The following SHC2 variants were observed in gnomAD, a reference collection of about 807,000 sequenced individuals.
SHC2 encodes the protein SHC adaptor protein 2.
In SHC2, 62 loss-of-function variants were observed where a neutral mutation model predicts 60.6. The observed-to-expected ratio is 1.02, with a 90% CI of 0.83 to 1.26. The LOEUF is 1.26. Among genes scored for constraint, SHC2 ranks in the 50% most tolerant of loss-of-function variants. The pLI is 0.00. For missense variants in SHC2, 873 were observed against 822.2 expected, an observed-to-expected ratio of 1.06 and a Z score of -0.76; for synonymous variants, 375 against 372.4, an observed-to-expected ratio of 1.01 and a Z score of -0.08.
rs1974193181 is a variant in SHC2, at chr19:418,062, GAGACCATGAGATCACCC to G, written c.*6-757_*6-741del. On this transcript the variant is annotated intron_variant, in intron 12 of 12. Coordinates refer to ENST00000264554, the MANE Select transcript of SHC2 (RefSeq NM_012435.3). Reference sequence around the variant, plus strand: ...CCTGCCCCAACCTCACCCCAGAGGAGAGACCATGAGATCACCCAGACCTGCCTGTCCCTCCTCCGTCC... The same window carrying G: ...CCTGCCCCAACCTCACCCCAGAGGAGAGACCTGCCTGTCCCTCCTCCGTCC... Among the ~76,000 whole-genome samples, 3 of 152,106 alleles carry G rather than the reference GAGACCATGAGATCACCC, an allele frequency of 2.0e-5. No homozygotes were observed. The South Asian group carries it at 6.2e-4, about 32-fold the overall frequency.
rs1037711420 is a variant in SHC2, at chr19:436,919, G to A, written c.721-236C>T. ...GGGCCCTAAGGGATGTGTGGGGTCC[G>A]CAGGAGGTCACACGGGAATGTGTGT... On this transcript the variant is annotated intron_variant, in intron 4 of 12. Transcript: ENST00000264554. Among the ~76,000 whole-genome samples, 9 of 152,172 alleles carry A rather than the reference G, an allele frequency of 5.9e-5. 1 individual carries two copies. Among genetic ancestry groups the A allele is most frequent in the African/African-American group, 1.9e-4 (8 of 41,496 alleles).
At chr19:420,477 A>G (rs1432776170) in intron 11 of SHC2, among the ~76,000 whole-genome samples, 1 of 152,240 alleles carries the variant, frequency 6.6e-6, no homozygotes, top group East Asian at 1.9e-4. Context: ...TAACCTGTGC[A>G]GCCCTCGGAC....
At chr19:439,229 G>A in intron 2 of SHC2, 199 bp from the exon 3 acceptor site, 1 of 370,682 alleles carries the variant, frequency 2.7e-6, no homozygotes, top group South Asian at 2.6e-5. Context: ...GGGGGCTGGG[G>A]AACCTGGGGG....
intron 12 of SHC2, 130 bp downstream of exon 12, chr19:418,793 A>C (rs192350652): frequency 5.8e-5 from 60 of 1,030,074 alleles, no homozygotes; most frequent in Non-Finnish European, 7.9e-5. Context: ...CACGGCTCGG[A>C]TGCTGAACAC....
chr19:455,389 G>A (rs1360312179), intron 1 of SHC2, among the ~76,000 whole-genome samples: 1 of 152,216 alleles, frequency 6.6e-6, no homozygotes, highest in East Asian at 1.9e-4. Context: ...GCAGGGTTGT[G>A]GGGAGAATGG....
At chr19:437,519 G>C (rs761429295) in intron 4 of SHC2, among the ~76,000 whole-genome samples, 32 of 151,982 alleles carry the variant, frequency 2.1e-4, no homozygotes, top group Admixed American at 5.2e-4. Flanking sequence ...AGCCCCCATA[G>C]GGACCCTCGA....
intron 1 of SHC2, among the ~76,000 whole-genome samples, chr19:442,500 TGGAC>T (rs1239635015): frequency 5.5e-5 from 5 of 90,408 alleles, no homozygotes; most frequent in Admixed American, 1.2e-4. Flanking sequence ...GATGGATGGA[TGGAC>T]GGATGGATGG....
At chr19:459,549 TACTGAACTCAGCGTAGGGGGAAGGACCCC>T (rs1568301782) in intron 1 of SHC2, among the ~76,000 whole-genome samples, 27 of 69,150 alleles carry the variant, frequency 3.9e-4, no homozygotes, top group South Asian at 9.3e-4. Context: ...GGAAGGACCC[TACTGAACTCAGCGTAGGGGGAAGGACCCC>T]ACTGAACTCA....
In SHC2 at chr19:436,702, C is replaced by A. The variant is rs763929225; in HGVS notation, c.721-19G>T. The A allele has an allele frequency of 1.3e-6, 2 of 1,599,614 alleles. No homozygotes were observed. Among genetic ancestry groups the A allele is most frequent in the Admixed American group, 3.4e-5 (2 of 59,418 alleles). ...CGATGACCTGTGGCGGCAGGAGGCA[C>A]ACGCGGTCATGGGGGCCCCGCTTCG... On this transcript the variant is annotated intron_variant, in intron 4 of 12. Coordinates refer to ENST00000264554, the MANE Select transcript of SHC2 (RefSeq NM_012435.3).
At chr19:430,921 G>A (rs913252794) in intron 8 of SHC2, among the ~76,000 whole-genome samples, 174 bp from the exon 9 acceptor site, 9 of 152,282 alleles carry the variant, frequency 5.9e-5, no homozygotes, top group Admixed American at 2.0e-4. Context: ...TGGGTCTGCC[G>A]CCCACCTCTG....
At position 441,702 on chromosome 19, in the gene SHC2, T is replaced by A. The variant is rs1285805080; in HGVS notation, c.469-770A>T. Among the ~76,000 whole-genome samples, 1 of 152,188 alleles carries A rather than the reference T, an allele frequency of 6.6e-6. No individual in the cohort carries two copies. The highest frequency in any genetic ancestry group is 1.5e-5 in the Non-Finnish European group (1 of 68,038). On this transcript the variant is annotated intron_variant, in intron 1 of 12. Coordinates refer to ENST00000264554, the MANE Select transcript of SHC2 (RefSeq NM_012435.3). The surrounding 1 kb of genome is among the most constrained non-coding windows in gnomAD (Gnocchi z 4.9). ...AGGCTGACACGAACAGGTTTCCTAC[T>A]GGGGTCATGAGAAATTCTGGAATTA...
intron 8 of SHC2, among the ~76,000 whole-genome samples, chr19:434,271 A>C (rs532701278): frequency 1.0e-5 from 1 of 95,372 alleles, no homozygotes; most frequent in Admixed American, 1.1e-4. Context: ...TGAGATCATG[A>C]GTGAGATCAT....
At chr19:437,266 GTCTGCGTGCTCGTCTGTGTGCTCA>G (rs1194366166) in intron 4 of SHC2, among the ~76,000 whole-genome samples, 2,233 of 151,096 alleles carry the variant, frequency 0.015, 47 homozygotes, top group African/African-American at 0.051. Context: ...TTGCGTGCTC[GTCTGCGTGCTCGTCTGTGTGCTCA>G]TCTGCGTGCT....
rs60912837 is a variant in SHC2, at chr19:440,025, CAAA to C, written c.539+834_539+836del. 9.0e-5 allele frequency among the ~76,000 whole-genome samples: 6 copies of C among 66,414 alleles called. No individual in the cohort carries two copies. Among genetic ancestry groups the C allele is most frequent in the Non-Finnish European group, 6.4e-5 (2 of 31,036 alleles). The allele number at this position is 66,414 out of a possible 152,430, so 43.6% of individuals were successfully genotyped here. On this transcript the variant is annotated intron_variant, in intron 2 of 12. Coordinates refer to ENST00000264554, the MANE Select transcript of SHC2 (RefSeq NM_012435.3). This position sits in a 1 kb window ranked among gnomAD's most constrained non-coding sequence, Gnocchi z 7.0. ...TGGGCAACAGAGTGAGACTCCATCT[CAAA>C]AAAAAAAAAAAAAAAGGAGCAAGGC...
At chr19:429,685 C>T (rs1974518557) in intron 9 of SHC2, among the ~76,000 whole-genome samples, 1 of 142,798 alleles carries the variant, frequency 7.0e-6, no homozygotes, top group African/African-American at 2.7e-5. Context: ...TGACGCAGTA[C>T]CTATACCCAA....
At chr19:428,698 T>C (rs1174072212) in intron 9 of SHC2, among the ~76,000 whole-genome samples, 1 of 152,220 alleles carries the variant, frequency 6.6e-6, no homozygotes, top group African/African-American at 2.4e-5. Context: ...AGATTGCTCA[T>C]TGAACGGCTT....
chr19:455,495 C>T (rs1448853908), intron 1 of SHC2, among the ~76,000 whole-genome samples: 1 of 152,234 alleles, frequency 6.6e-6, no homozygotes, highest in African/African-American at 2.4e-5. Context: ...CCACGGCGCT[C>T]GGACGCGGGG....
intron 4 of SHC2, among the ~76,000 whole-genome samples, chr19:436,975 T>C (rs78655244): frequency 0.02 from 3,088 of 151,882 alleles, 93 homozygotes; most frequent in African/African-American, 0.071. Flanking sequence ...CTGTAACACT[T>C]CACACATGTA....
chr19:460,146 C>A (rs1426135490), intron 1 of SHC2, among the ~76,000 whole-genome samples: 1 of 152,354 alleles, frequency 6.6e-6, no homozygotes, highest in African/African-American at 2.4e-5. Flanking sequence ...GCACCCCCAC[C>A]GCAGGCCAGC....
Sources: allele counts gnomAD v4.1 joint callset (sites outside exome capture counted in the v4.1 genomes callset), GRCh38; gene constraint gnomAD v4.1.1; non-coding constraint Gnocchi (gnomAD v3.1); transcripts MANE v1.5; gene names NCBI Gene and HGNC (gene_info 2026-07-23, HGNC 2026-07-21).